Variants in UBR3 observed in about 807,000 individuals in gnomAD.
UBR3 encodes ubiquitin protein ligase E3 component n-recognin 3, also known as E3 ubiquitin-protein ligase UBR3.
In UBR3, 85 loss-of-function variants were observed where a neutral mutation model predicts 243.2. The observed-to-expected ratio is 0.35, with a 90% confidence interval of 0.29 to 0.42. The LOEUF (loss-of-function observed/expected upper bound fraction) is 0.42, where lower values mean the gene tolerates loss of function less well. Ranked by LOEUF, UBR3 falls within the 10% of genes least tolerant of loss-of-function variation. The pLI is 1.00. For missense variants in UBR3, 1,686 were observed against 2,300.8 expected (o/e 0.73, Z 5.47); for synonymous variants, 748 against 799.8 (o/e 0.94, Z 1.09).
At chr2:169,882,176 T>C (rs1373858320) in intron 5 of UBR3, among the ~76,000 whole-genome samples, 5 of 131,846 alleles carry the variant, frequency 3.8e-5, no homozygotes, top group African/African-American at 1.4e-4. Flanking sequence ...TATTTATATG[T>C]AATATGCATG....
At chr2:169,925,494 A>G in intron 13 of UBR3, 125 bp from the exon 14 acceptor site, 1 of 866,378 alleles carries the variant, frequency 1.2e-6, no homozygotes, top group Non-Finnish European at 1.6e-6. Flanking sequence ...ATTATCTTTA[A>G]CATTGGACAG....
intron 1 of UBR3, among the ~76,000 whole-genome samples, chr2:169,860,219 G>A (rs970793753): frequency 1.3e-5 from 2 of 151,978 alleles, no homozygotes; most frequent in African/African-American, 4.8e-5. Context: ...TTTTTTGTTT[G>A]TTTTTGCATG....
chr2:169,872,917 T>C (rs2083478693), intron 2 of UBR3, among the ~76,000 whole-genome samples: 1 of 152,140 alleles, frequency 6.6e-6, no homozygotes, highest in Non-Finnish European at 1.5e-5. Context: ...GATGTTCTTC[T>C]TACTTTTTAA....
intron 33 of UBR3, among the ~76,000 whole-genome samples, chr2:170,060,139 TTTTAAAAGTATAG>T (rs1359427695): frequency 2.0e-5 from 3 of 152,178 alleles, no homozygotes; most frequent in Non-Finnish European, 4.4e-5. Flanking sequence ...TATTTTAGGA[TTTTAAAAGTATAG>T]TTAATAAGTA....
At chr2:169,890,932 T>G (rs1174919330) in intron 5 of UBR3, among the ~76,000 whole-genome samples, 6 of 150,572 alleles carry the variant, frequency 4.0e-5, no homozygotes, top group Non-Finnish European at 7.4e-5. Flanking sequence ...AGTCTTCCAT[T>G]AGAAGCAGAG....
intron 3 of UBR3, 93 bp from the exon 4 acceptor site, chr2:169,877,401 T>C (rs2083658687): frequency 8.8e-7 from 1 of 1,134,154 alleles, no homozygotes; most frequent in Admixed American, 3.3e-5. Flanking sequence ...TCCATTAGAA[T>C]ATTCACCTAT....
chr2:169,927,157 A>G (rs1400434113), intron 16 of UBR3, among the ~76,000 whole-genome samples, 163 bp from the exon 17 acceptor site: 1 of 152,254 alleles, frequency 6.6e-6, no homozygotes, highest in African/African-American at 2.4e-5. Flanking sequence ...AGGGAACTGC[A>G]AACAGCAGTT....
Position 169,961,450 on chromosome 2 carries a change from TG to T in UBR3, c.3634+2927del, listed in dbSNP as rs201508646. ...CTCCCACCTCAGCCTACCTAGTATCTGGGACTATAGGCATGCACTGCCATGC... is the reference window on the plus strand; with the variant it reads ...CTCCCACCTCAGCCTACCTAGTATCTGGACTATAGGCATGCACTGCCATGC... On this transcript the variant is annotated intron_variant, in intron 24 of 38. Transcript: ENST00000272793. 4.0e-3 allele frequency among the ~76,000 whole-genome samples: 614 copies of T among 152,284 alleles called. 5 individuals are homozygous for T. The highest frequency in any genetic ancestry group is 0.014 in the African/African-American group (574 of 41,560).
intron 23 of UBR3, among the ~76,000 whole-genome samples, chr2:169,953,853 T>C (rs942884454): frequency 6.6e-6 from 1 of 152,202 alleles, no homozygotes; most frequent in Non-Finnish European, 1.5e-5. Context: ...ATTTACGAAC[T>C]AGTGATTCAG....
intron 37 of UBR3, 132 bp downstream of exon 37, chr2:170,080,155 T>C (rs931650400): frequency 5.8e-6 from 5 of 863,846 alleles, no homozygotes; most frequent in Middle Eastern, 3.3e-4. Flanking sequence ...GTGTGTGTTT[T>C]TTAATCCAGT....
At chr2:169,891,106 A>G (rs2084357873) in intron 5 of UBR3, 59 bp from the exon 6 acceptor site, 1 of 1,338,744 alleles carries the variant, frequency 7.5e-7, no homozygotes, top group South Asian at 1.3e-5. Context: ...AAGCACATTT[A>G]TAAAGTGTAT....
intron 38 of UBR3, among the ~76,000 whole-genome samples, chr2:170,080,956 G>A (rs538108329): frequency 9.9e-5 from 15 of 152,140 alleles, no homozygotes; most frequent in Non-Finnish European, 1.8e-4. Context: ...ACTTTGGGAG[G>A]CTGAAGCAGG....
rs148138210 is a variant in UBR3, at chr2:169,982,794, A to G, written c.3635-3851A>G. 9.9e-4 allele frequency among the ~76,000 whole-genome samples: 151 copies of G among 152,290 alleles called. No individual in the cohort carries two copies. The East Asian group carries it at 0.024, about 25-fold the overall frequency. ...ATTAGTTAGCAATTGTTGTGTAACT[A>G]GCTGTCCCCCAAAATTTAGTGATTT... is the stretch of plus-strand genomic sequence containing the variant. On this transcript the variant is annotated intron_variant, in intron 24 of 38. Transcript: ENST00000272793.
intron 1 of UBR3, among the ~76,000 whole-genome samples, chr2:169,846,525 CGTG>C (rs1342397440): frequency 1.3e-5 from 2 of 152,012 alleles, no homozygotes; most frequent in Admixed American, 1.3e-4. Flanking sequence ...GCCTGACCAA[CGTG>C]GTGAAACTCC....
At chr2:170,067,979 A>G (rs1377839394) in intron 35 of UBR3, among the ~76,000 whole-genome samples, 2 of 151,882 alleles carry the variant, frequency 1.3e-5, no homozygotes, top group African/African-American at 4.8e-5. Context: ...CACGTTGGGC[A>G]GGATGGTCTT....
At chr2:169,933,503 A>C (rs1388780540) in intron 19 of UBR3, among the ~76,000 whole-genome samples, 1 of 152,256 alleles carries the variant, frequency 6.6e-6, no homozygotes, top group South Asian at 2.1e-4. Flanking sequence ...AAATTTTGAA[A>C]GATATCTTTT....
chr2:169,999,363 A>G (rs1476912946), intron 26 of UBR3, among the ~76,000 whole-genome samples: 1 of 152,208 alleles, frequency 6.6e-6, no homozygotes, highest in Non-Finnish European at 1.5e-5. Flanking sequence ...CACATCTTTA[A>G]ATTGGCTGGG....
At chr2:169,875,586 C>T (rs879397) in intron 2 of UBR3, among the ~76,000 whole-genome samples, 3,289 of 152,276 alleles carry the variant, frequency 0.022, 108 homozygotes, top group African/African-American at 0.074. Flanking sequence ...TTCCAAAGGA[C>T]TGAATTCCTG....
intron 31 of UBR3, among the ~76,000 whole-genome samples, chr2:170,038,710 A>G (rs1202502015): frequency 6.6e-6 from 1 of 152,142 alleles, no homozygotes; most frequent in African/African-American, 2.4e-5. Context: ...TTGGAGGACT[A>G]TCATGTTTTA....
Sources: gnomAD v4.1 joint callset for allele counts (sites outside exome capture counted in the v4.1 genomes callset) on GRCh38, gnomAD v4.1.1 for gene constraint, MANE v1.5 for transcripts, NCBI Gene and HGNC (gene_info 2026-07-23, HGNC 2026-07-21) for gene names.